The following EPHB1 variants were observed in gnomAD, a reference collection of about 807,000 sequenced individuals.
EPHB1 encodes EPH receptor B1.
A neutral mutation model predicts 94.4 loss-of-function variants in EPHB1; 30 were observed. The observed-to-expected ratio is 0.32, with a 90% CI of 0.24 to 0.43. EPHB1 has a LOEUF of 0.43. Among genes scored for constraint, EPHB1 ranks in the 20% least tolerant of loss-of-function variants. The probability of loss-of-function intolerance (pLI) is 1.00; values close to 1 mark genes in which losing one functional copy is unlikely to be tolerated. For missense variants in EPHB1, 1,055 were observed against 1,308.3 expected, an observed-to-expected ratio of 0.81 and a Z score of 2.99; for synonymous variants, 522 against 489.1, an observed-to-expected ratio of 1.07 and a Z score of -0.89.
chr3:134,896,777 G>A (rs2038093983), intron 1 of EPHB1, among the ~76,000 whole-genome samples: 1 of 152,264 alleles, frequency 6.6e-6, no homozygotes, highest in Admixed American at 6.5e-5. Flanking sequence ...CAGGTTTGGT[G>A]GTGACAGAAA....
intron 2 of EPHB1, among the ~76,000 whole-genome samples, chr3:134,926,418 G>T (rs944554589): frequency 2.0e-5 from 3 of 152,228 alleles, no homozygotes; most frequent in African/African-American, 7.2e-5. Flanking sequence ...TGTGGGCACA[G>T]AGTTGGGAAT....
chr3:134,828,242 C>T (rs184585317), intron 1 of EPHB1, among the ~76,000 whole-genome samples: 247 of 152,224 alleles, frequency 1.6e-3, no homozygotes, highest in African/African-American at 5.6e-3. Context: ...AAAATCACTG[C>T]AGCAAAGGAT....
intron 12 of EPHB1, among the ~76,000 whole-genome samples, chr3:135,225,708 T>C (rs1404758696): frequency 2.0e-5 from 3 of 151,796 alleles, no homozygotes; most frequent in African/African-American, 7.3e-5. Flanking sequence ...GGGATGATGA[T>C]AGTGGCCACC....
At position 134,989,160 on chromosome 3, in the gene EPHB1, G is replaced by A. The variant is rs367674537; in HGVS notation, c.805+37108G>A. Among the ~76,000 whole-genome samples the A allele has an allele frequency of 3.3e-5, 5 of 152,172 alleles. No individual in the cohort carries two copies. The East Asian group carries it at 5.8e-4, about 18-fold the overall frequency. On this transcript the variant is annotated intron_variant, in intron 3 of 15. Transcript: ENST00000398015. ...TCTCTGGCACCACGGTGGAAGTGGT[G>A]AAGCAGGATCACAGGTGACATAAAT...
intron 1 of EPHB1, among the ~76,000 whole-genome samples, chr3:134,873,537 G>A (rs1438391722): frequency 6.6e-6 from 1 of 152,192 alleles, no homozygotes; most frequent in Non-Finnish European, 1.5e-5. Context: ...ATGGCTGCGG[G>A]GACTTGTTAC....
At chr3:135,238,794 C>G (rs1217495200) in intron 12 of EPHB1, among the ~76,000 whole-genome samples, 1 of 152,158 alleles carries the variant, frequency 6.6e-6, no homozygotes, top group Non-Finnish European at 1.5e-5. Flanking sequence ...TCTCTCCTAC[C>G]TCACTTAACC....
At chr3:135,163,204 G>C (rs911622949) in intron 7 of EPHB1, among the ~76,000 whole-genome samples, 2 of 152,112 alleles carry the variant, frequency 1.3e-5, no homozygotes, top group African/African-American at 4.8e-5. Context: ...AAATTAATTG[G>C]AAACTTTTAA....
At chr3:134,872,605 C>T (rs1290198383) in intron 1 of EPHB1, among the ~76,000 whole-genome samples, 1 of 152,220 alleles carries the variant, frequency 6.6e-6, no homozygotes, top group African/African-American at 2.4e-5. Flanking sequence ...GACAATCCAA[C>T]TAACAATATC....
intron 3 of EPHB1, among the ~76,000 whole-genome samples, chr3:135,099,384 C>T (rs1195547209): frequency 6.6e-6 from 1 of 152,042 alleles, no homozygotes; most frequent in Non-Finnish European, 1.5e-5. Context: ...TGGATGGGTG[C>T]TTGGGAAATA....
chr3:135,009,738 C>A (rs1054750229), intron 3 of EPHB1, among the ~76,000 whole-genome samples: 9 of 152,186 alleles, frequency 5.9e-5, no homozygotes, highest in African/African-American at 2.2e-4. Context: ...AATTTGCCTT[C>A]TTTTAACCTA....
chr3:135,143,822 A>G (rs978020173), intron 5 of EPHB1, among the ~76,000 whole-genome samples: 1 of 152,214 alleles, frequency 6.6e-6, no homozygotes, highest in Non-Finnish European at 1.5e-5. Flanking sequence ...CAGGTTTGCT[A>G]TAGTTTTCAC....
At chr3:135,009,926 A>G (rs560932493) in intron 3 of EPHB1, among the ~76,000 whole-genome samples, 1 of 152,374 alleles carries the variant, frequency 6.6e-6, no homozygotes, top group Non-Finnish European at 1.5e-5. Context: ...ACAAAAGTAC[A>G]AATTTTAAAA....
chr3:135,063,243 G>A (rs1315686835), intron 3 of EPHB1, among the ~76,000 whole-genome samples: 1 of 152,116 alleles, frequency 6.6e-6, no homozygotes, highest in Non-Finnish European at 1.5e-5. Flanking sequence ...GTATTTTGAT[G>A]AGGATTGTGT....
chr3:135,040,831 A>G (rs1456615235), intron 3 of EPHB1, among the ~76,000 whole-genome samples: 1 of 152,232 alleles, frequency 6.6e-6, no homozygotes, highest in Non-Finnish European at 1.5e-5. Context: ...ATAGCGTGAC[A>G]AGGAGGAGGA....
intron 3 of EPHB1, among the ~76,000 whole-genome samples, chr3:135,099,891 G>T (rs9821105): frequency 0.33 from 49,906 of 152,012 alleles, 8,614 homozygotes; most frequent in South Asian, 0.42. Context: ...TGAACTCTGG[G>T]CTGCGAACCT....
intron 3 of EPHB1, among the ~76,000 whole-genome samples, chr3:135,074,541 T>A (rs1937841769): frequency 6.6e-6 from 1 of 152,230 alleles, no homozygotes; most frequent in Admixed American, 6.5e-5. Context: ...TGGATACATT[T>A]ATCCATCTGC....
intron 3 of EPHB1, among the ~76,000 whole-genome samples, chr3:135,032,191 T>C (rs1246335551): frequency 6.6e-6 from 1 of 152,126 alleles, no homozygotes; most frequent in Non-Finnish European, 1.5e-5. Context: ...TTACCAGTTA[T>C]CTTTCTCAAA....
At chr3:134,981,601 T>A (rs1378972070) in intron 3 of EPHB1, among the ~76,000 whole-genome samples, 1 of 152,230 alleles carries the variant, frequency 6.6e-6, no homozygotes, top group Admixed American at 6.5e-5. Flanking sequence ...GAGTACCACA[T>A]GACAACCACA....
intron 1 of EPHB1, among the ~76,000 whole-genome samples, chr3:134,835,618 G>A (rs2036659770): frequency 6.6e-6 from 1 of 152,210 alleles, no homozygotes; most frequent in Admixed American, 6.5e-5. Flanking sequence ...CCAGCCCAGA[G>A]CAGTCTGGCT....
Sources: allele counts gnomAD v4.1 joint callset (sites outside exome capture counted in the v4.1 genomes callset), GRCh38; gene constraint gnomAD v4.1.1; transcripts MANE v1.5; gene names NCBI Gene and HGNC (gene_info 2026-07-23, HGNC 2026-07-21).